Variants in ZMYND11 observed in about 807,000 individuals in gnomAD.
ZMYND11 encodes the protein zinc finger MYND domain-containing protein 11.
In ZMYND11, 9 loss-of-function variants were observed where a neutral mutation model predicts 84.9. The ratio of observed to expected loss-of-function variants is 0.11; its 90% CI spans 0.06 to 0.18. The LOEUF is 0.18. Among genes scored for constraint, ZMYND11 ranks in the 10% least tolerant of loss-of-function variants. The pLI, the probability that ZMYND11 is intolerant of heterozygous loss-of-function variation, is 1.00. For missense variants in ZMYND11, 409 were observed against 761.0 expected (o/e 0.54, Z 5.44); for synonymous variants, 250 against 244.1 (o/e 1.02, Z -0.23).
chr10:209,615 C>A (rs947208429), intron 2 of ZMYND11, among the ~76,000 whole-genome samples: 1 of 152,098 alleles, frequency 6.6e-6, no homozygotes, highest in Non-Finnish European at 1.5e-5. Context: ...GATTTATATT[C>A]GCTGATTTGG....
At chr10:174,706 G>A (rs1268926921) in intron 1 of ZMYND11, among the ~76,000 whole-genome samples, 1 of 151,812 alleles carries the variant, frequency 6.6e-6, no homozygotes, top group African/African-American at 2.4e-5. Context: ...CAAAACCCAT[G>A]AGTACTACAG....
At chr10:181,291 G>T (rs978576450) in intron 2 of ZMYND11, among the ~76,000 whole-genome samples, 12 of 152,022 alleles carry the variant, frequency 7.9e-5, no homozygotes, top group African/African-American at 2.7e-4. Context: ...ATGTATTTTT[G>T]TCCTTTCCCT....
intron 2 of ZMYND11, among the ~76,000 whole-genome samples, chr10:202,410 A>G (rs1424137846): frequency 6.6e-6 from 1 of 152,172 alleles, no homozygotes; most frequent in East Asian, 1.9e-4. Context: ...ACATTACTTT[A>G]TGAGCTTGTA....
upstream of ZMYND11, among the ~76,000 whole-genome samples, chr10:131,461 G>A (rs1835311340): frequency 6.6e-6 from 1 of 152,310 alleles, no homozygotes; most frequent in African/African-American, 2.4e-5. Context: ...CTCGGTTGCT[G>A]TGTAGTAAAA....
chr10:174,889 CATT>C, intron 1 of ZMYND11, among the ~76,000 whole-genome samples: 1 of 149,472 alleles, frequency 6.7e-6, no homozygotes, highest in Non-Finnish European at 1.5e-5. Flanking sequence ...GTCATTCATA[CATT>C]GGTCAGAACC....
intron 12 of ZMYND11, 54 bp downstream of exon 12, chr10:247,520 C>T: frequency 6.4e-7 from 1 of 1,557,662 alleles, no homozygotes; most frequent in Non-Finnish European, 8.8e-7. Flanking sequence ...GAAATATTTT[C>T]AAAGTATTTT....
intron 2 of ZMYND11, among the ~76,000 whole-genome samples, chr10:189,647 G>A (rs1939787021): frequency 6.6e-6 from 1 of 152,126 alleles, no homozygotes; most frequent in African/African-American, 2.4e-5. Flanking sequence ...GTTTTTTCCA[G>A]CATGCCAAAT....
intron 3 of ZMYND11, among the ~76,000 whole-genome samples, chr10:217,227 C>T (rs1316185029): frequency 1.3e-5 from 2 of 152,156 alleles, no homozygotes; most frequent in Non-Finnish European, 2.9e-5. Flanking sequence ...ATTTCTTGCT[C>T]TATCTAGCAT....
chr10:142,814 GT>G (rs1837797695), intron 1 of ZMYND11, among the ~76,000 whole-genome samples: 1 of 152,166 alleles, frequency 6.6e-6, no homozygotes, highest in South Asian at 2.1e-4. Flanking sequence ...TATCTATGAA[GT>G]TCTGGTTAAT....
At position 218,163 on chromosome 10, in the gene ZMYND11, C is replaced by T. The variant is rs746568453; in HGVS notation, c.277-3032C>T. ...TTTTCTAATATCATTATAGTTTTCA[C>T]GGTACATTGGCGGGAGATTTTCTCT... is the stretch of plus-strand genomic sequence containing the variant. On this transcript the variant is annotated intron_variant, in intron 3 of 14. Coordinates refer to ENST00000381604, the MANE Select transcript of ZMYND11 (RefSeq NM_001370100.5). 1.2e-4 allele frequency among the ~76,000 whole-genome samples: 18 copies of T among 152,154 alleles called. 1 individual carries two copies. The highest frequency in any genetic ancestry group is 4.1e-4 in the South Asian group (2 of 4,824).
chr10:222,614 T>G (rs1167142594), intron 4 of ZMYND11, among the ~76,000 whole-genome samples: 1 of 152,176 alleles, frequency 6.6e-6, no homozygotes, highest in Non-Finnish European at 1.5e-5. Context: ...TTTATTCTCT[T>G]GTGGATTTCG....
chr10:190,725 T>G (rs1940162273), intron 2 of ZMYND11, among the ~76,000 whole-genome samples: 1 of 152,242 alleles, frequency 6.6e-6, no homozygotes, highest in Non-Finnish European at 1.5e-5. Context: ...CTGATGAGAC[T>G]ATTCTCAATT....
intron 1 of ZMYND11, among the ~76,000 whole-genome samples, chr10:146,250 T>A: frequency 6.6e-6 from 1 of 152,166 alleles, no homozygotes; most frequent in East Asian, 1.9e-4. Context: ...TACTTTTATA[T>A]CAGTACCATG....
intron 9 of ZMYND11, among the ~76,000 whole-genome samples, chr10:241,528 A>AGGATGAAAGG (rs1950926468): frequency 1.3e-5 from 2 of 152,142 alleles, no homozygotes; most frequent in Admixed American, 1.3e-4. Flanking sequence ...ATCCTTTCAC[A>AGGATGAAAGG]AGAGACCTAA....
intron 6 of ZMYND11, 77 bp from the exon 7 acceptor site, chr10:239,361 C>T: frequency 8.5e-7 from 1 of 1,176,244 alleles, no homozygotes. Flanking sequence ...GAAAAGACTG[C>T]TTGTCCTGTG....
chr10:232,070 G>A (rs1949099381), intron 4 of ZMYND11, among the ~76,000 whole-genome samples: 1 of 152,112 alleles, frequency 6.6e-6, no homozygotes, highest in Non-Finnish European at 1.5e-5. Flanking sequence ...AGAAAGAATT[G>A]GATCAGAAAT....
rs374188676 is a variant in ZMYND11 at position 243,198 on chromosome 10, AAG to A, written c.950+1062_950+1063del. On this transcript the variant is annotated intron_variant, in intron 10 of 14. Transcript: ENST00000381604. ...AGCCTTAGCAAAATAAAGGCCTCAT[AAG>A]AGTTTTTGTAAGGTTTAAAGAAATG... is the stretch of plus-strand genomic sequence containing the variant. 1.4e-3 allele frequency among the ~76,000 whole-genome samples: 218 copies of A among 152,308 alleles called. 1 individual carries two copies. The highest frequency in any genetic ancestry group is 5.0e-3 in the African/African-American group (207 of 41,566).
intron 4 of ZMYND11, among the ~76,000 whole-genome samples, chr10:222,108 A>G (rs888671499): frequency 2.0e-5 from 3 of 152,228 alleles, no homozygotes; most frequent in Admixed American, 1.3e-4. Context: ...AACTATTAAA[A>G]TACTTATTTG....
At chr10:248,656 G>A (rs945577675) in intron 13 of ZMYND11, 48 bp downstream of exon 13, 12 of 1,547,342 alleles carry the variant, frequency 7.8e-6, no homozygotes, top group African/African-American at 1.4e-5. Context: ...CGGCACTCCT[G>A]TCATGGTTAG....
Sources: allele counts gnomAD v4.1 joint callset (sites outside exome capture counted in the v4.1 genomes callset), GRCh38; gene constraint gnomAD v4.1.1; transcripts MANE v1.5; gene names NCBI Gene and HGNC (gene_info 2026-07-23, HGNC 2026-07-21).